The following TEDC1 variants were observed in gnomAD, a reference collection of about 807,000 sequenced individuals.
TEDC1 encodes tubulin epsilon and delta complex 1, also known as tubulin epsilon and delta complex protein 1.
In TEDC1, 54 loss-of-function variants were observed where a neutral mutation model predicts 59.9. The ratio of observed to expected loss-of-function variants is 0.90; its 90% CI spans 0.72 to 1.13. The LOEUF is 1.13. Ranked by LOEUF, TEDC1 falls within the 50% of genes most tolerant of loss-of-function variation. TEDC1 has a pLI of 0.00. For synonymous variants in TEDC1, 353 were observed against 298.1 expected (o/e 1.18, Z -1.90); for missense variants, 734 against 683.4 (o/e 1.07, Z -0.83).
At chr14:105,495,807 GCC>G in intron 5 of TEDC1, 71 bp from the exon 6 acceptor site, 1 of 1,267,688 alleles carries the variant, frequency 7.9e-7, no homozygotes, top group Non-Finnish European at 1.1e-6. Context: ...TGGAAGTGAG[GCC>G]CCGCCCTCTC....
At position 105,491,619 on chromosome 14, in the gene TEDC1, C is replaced by T; in HGVS notation, c.148-3C>T. 6.5e-7 allele frequency: 1 copy of T among 1,549,570 alleles called. No homozygotes were observed. The highest frequency in any genetic ancestry group is 8.7e-7 in the Non-Finnish European group (1 of 1,146,766). ...CTGACCGCCCGCTTTTTATTTTCCG[C>T]AGACCTCCGCGCTCTGGCAGCTCCT... On this transcript the variant is annotated splice_polypyrimidine_tract_variant and splice_region_variant and intron_variant, in intron 1 of 8. Transcript: ENST00000392523.
chr14:105,496,149 T>TGGGGGGGGGGGGGG, intron 6 of TEDC1, 63 bp downstream of exon 6: 1 of 81,276 alleles, frequency 1.2e-5, no homozygotes, highest in Non-Finnish European at 2.2e-5. Context: ...TGGGAGGGGG[T>TGGGGGGGGGGGGGG]GGCGAGGGGG....
chr14:105,495,599 C>T (rs1192390579), intron 5 of TEDC1: 8 of 394,160 alleles, frequency 2.0e-5, no homozygotes, highest in South Asian at 3.7e-5. Context: ...CCTGCACTGG[C>T]GTTGGCAGTG....
chr14:105,497,054 G>A (rs2084362342), intron 6 of TEDC1: 1 of 490,568 alleles, frequency 2.0e-6, no homozygotes, highest in Non-Finnish European at 3.6e-6. Context: ...TGGTGTGGGG[G>A]ACAGCGGATG....
At position 105,498,710 on chromosome 14, in the gene TEDC1, T is replaced by C. The variant is rs948083230; in HGVS notation, c.1252T>C (p.Trp418Arg). Residue 418 changes from tryptophan to arginine, a missense_variant, in exon 9 of 9, where the codon TGG becomes CGG. By Grantham distance (101) the Trp-to-Arg change is moderately radical (BLOSUM62 -3). Transcript: ENST00000392523. The part of the protein sequence containing the change: ...EKELGALQQC[W>R]ERDGGPAQPH... ...GGAGCTGGGAGCTCTACAGCAGTGC[T>C]GGGAGCGAGACGGTGGCCCGGCCCA... 6.4e-7 allele frequency: 1 copy of C among 1,553,986 alleles called. No individual in the cohort carries two copies. Among genetic ancestry groups the C allele is most frequent in the South Asian group, 1.2e-5 (1 of 84,320 alleles).
In TEDC1 at chr14:105,491,693, C is replaced by A; in HGVS notation, c.219C>A (p.Leu73=). Residue 73 remains leucine, a synonymous_variant, in exon 2 of 9, where the codon CTC becomes CTA. Coordinates refer to ENST00000392523, the MANE Select transcript of TEDC1 (RefSeq NM_001367178.1). ...PLPAGNALAS[L]ALEVQARLVK... ...CTGCGGGCAACGCCTTGGCATCGCT[C>A]GCCCTGGGTAAGCCCCGCTCCTGGC... 6.5e-7 allele frequency: 1 copy of A among 1,548,730 alleles called. No homozygotes were observed.
chr14:105,498,484 G>A, intron 8 of TEDC1, 133 bp from the exon 9 acceptor site: 1 of 989,224 alleles, frequency 1.0e-6, no homozygotes, highest in Non-Finnish European at 1.5e-6. Context: ...TTTTCAGTAA[G>A]CCTCTCTGAA....
At chr14:105,496,339 G>C (rs1379300427) in intron 6 of TEDC1, 4 of 522,024 alleles carry the variant, frequency 7.7e-6, no homozygotes, top group Non-Finnish European at 1.4e-5. Context: ...GCCTGCTCCA[G>C]CTCCCACACC....
chr14:105,491,490 T>G lies in TEDC1; in HGVS notation c.115T>G (p.Phe39Val), dbSNP rs1555439245. 1 of 1,491,258 alleles carries G rather than the reference T, an allele frequency of 6.7e-7. No homozygotes were observed. Among genetic ancestry groups the G allele is most frequent in the Non-Finnish European group, 8.9e-7 (1 of 1,120,480 alleles). 92.4% of individuals were successfully genotyped at this position (1,491,258 alleles called of 1,614,324 possible). The change falls in exon 1 of 9, where the codon TTC (phenylalanine) becomes GTC (valine). Residue 39 changes from phenylalanine (F) to valine (V), a missense_variant. Transcript: ENST00000392523. The stretch of plus-strand genomic sequence containing the variant: ...GCCCTCGGGACCCAGCCCCGAGATC[T>G]TCCGCCGCGCCAAGTTCGACCGTCC... ...SLPSGPSPEIFRRAKFDRPEA... is the reference protein window; with the variant it reads ...SLPSGPSPEIVRRAKFDRPEA...
At chr14:105,496,720 C>G (rs1263407353) in intron 6 of TEDC1, 3 of 158,380 alleles carry the variant, frequency 1.9e-5, no homozygotes, top group Non-Finnish European at 4.1e-5. Context: ...TGGGCAGGTA[C>G]CTTTGTGCAG....
In TEDC1 at chr14:105,498,745, G is replaced by A; in HGVS notation, c.1287G>A (p.Gly429=). 5.1e-6 allele frequency: 8 copies of A among 1,559,004 alleles called. No homozygotes were observed. The highest frequency in any genetic ancestry group is 6.9e-6 in the Non-Finnish European group (8 of 1,151,848). ...ACGGTGGCCCGGCCCAGCCCCATGG[G>A]CCACACCGGCTGGTGAGACGAGAGG... ...ERDGGPAQPH[G]PHRLVRREDG... is the part of the protein sequence containing the mutation. The change falls in exon 9 of 9, where the codon GGG becomes GGA. Residue 429 remains glycine (G), a synonymous_variant. Transcript: ENST00000392523.
intron 8 of TEDC1, among the ~76,000 whole-genome samples, chr14:105,498,361 C>T (rs1300976523): frequency 2.6e-5 from 4 of 152,224 alleles, no homozygotes; most frequent in South Asian, 2.1e-4. Flanking sequence ...TCAGAGCTGC[C>T]CGCTTAACCT....
chr14:105,498,099 C>T, intron 8 of TEDC1, 122 bp downstream of exon 8: 3 of 1,242,364 alleles, frequency 2.4e-6, no homozygotes, highest in Non-Finnish European at 3.2e-6. Flanking sequence ...AGGGGACACA[C>T]TTAGAGGCAC....
chr14:105,493,505 G>C (rs781920140), intron 4 of TEDC1, among the ~76,000 whole-genome samples: 23 of 152,266 alleles, frequency 1.5e-4, no homozygotes, highest in African/African-American at 2.4e-4. Context: ...GAACTGCTGT[G>C]CCTGTCCAGA....
intron 5 of TEDC1, 126 bp downstream of exon 5, chr14:105,494,059 CA>C: frequency 1.4e-6 from 1 of 736,088 alleles, no homozygotes; most frequent in Non-Finnish European, 2.3e-6. Context: ...GGTGTCTCTG[CA>C]TGTCTGCCAC....
chr14:105,498,039 A>G, intron 8 of TEDC1, 62 bp downstream of exon 8: 1 of 1,435,804 alleles, frequency 7.0e-7, no homozygotes, highest in Non-Finnish European at 9.2e-7. Flanking sequence ...GGCTGACCTG[A>G]GGGCACTTTG....
In TEDC1 at chr14:105,497,952, G is replaced by T; in HGVS notation, c.1133G>T (p.Arg378Leu). ...LEEELREAAE[R>L]RRAAWEAKAG... ...GAGGAGCTGCGGGAGGCTGCGGAGC[G>T]CAGGCGGGCGGCCTGGGAGGCCAAG... The change falls in exon 8 of 9, where the codon CGC becomes CTC. Residue 378 changes from arginine to leucine, a missense_variant. Coordinates refer to ENST00000392523, the MANE Select transcript of TEDC1 (RefSeq NM_001367178.1). The T allele has an allele frequency of 6.5e-7, 1 of 1,537,592 alleles. No homozygotes were observed.
rs1595470557 is a variant in TEDC1 at position 105,492,363 on chromosome 14, A to C, written c.429+54A>C. ...AGCCCTGGTCTCAACTCCTGGGGCC[A>C]GAGCAAGGGCAGGCCTGGGTCAGCC... On this transcript the variant is annotated intron_variant, in intron 3 of 8. Transcript: ENST00000392523. 3 of 1,587,356 alleles carry C rather than the reference A, an allele frequency of 1.9e-6. No homozygotes were observed. The South Asian group carries it at 3.3e-5, about 18-fold the overall frequency.
At chr14:105,495,833 G>A (rs942221795) in intron 5 of TEDC1, 47 bp from the exon 6 acceptor site, 12 of 1,439,002 alleles carry the variant, frequency 8.3e-6, no homozygotes, top group South Asian at 5.2e-5. Context: ...GAAGCTGTGT[G>A]CGGCACTGGC....
Sources: gnomAD v4.1 joint callset for allele counts (sites outside exome capture counted in the v4.1 genomes callset) on GRCh38, gnomAD v4.1.1 for gene constraint, MANE v1.5 for transcripts, NCBI Gene and HGNC (gene_info 2026-07-23, HGNC 2026-07-21) for gene names.